Variants in CDKAL1 observed in about 807,000 individuals in gnomAD.
The protein encoded by CDKAL1 is threonylcarbamoyladenosine tRNA methylthiotransferase.
CDKAL1 carries 32 observed loss-of-function variants against 68.2 expected under a neutral mutation model. The ratio of observed to expected loss-of-function variants is 0.47; its 90% CI spans 0.35 to 0.63. CDKAL1 has a LOEUF of 0.63. Ranked by LOEUF, CDKAL1 falls within the 30% of genes least tolerant of loss-of-function variation. CDKAL1 has a pLI of 0.00. For synonymous variants in CDKAL1, 234 were observed against 244.3 expected, an observed-to-expected ratio of 0.96 and a Z score of 0.39; for missense variants, 606 against 696.7, an observed-to-expected ratio of 0.87 and a Z score of 1.47.
At chr6:20,616,767 G>T in intron 4 of CDKAL1, among the ~76,000 whole-genome samples, 1 of 150,882 alleles carries the variant, frequency 6.6e-6, no homozygotes, top group Non-Finnish European at 1.5e-5. Context: ...ACTTTGGGAG[G>T]CTGAGGTGGG....
At chr6:20,744,145 A>G (rs1339182869) in intron 6 of CDKAL1, among the ~76,000 whole-genome samples, 3 of 152,112 alleles carry the variant, frequency 2.0e-5, no homozygotes, top group Non-Finnish European at 1.5e-5. Flanking sequence ...CTATTTGTTT[A>G]TGTCATTTAT....
chr6:20,900,248 G>A lies in CDKAL1; in HGVS notation c.742+54070G>A, dbSNP rs555274967. 1.1e-4 allele frequency among the ~76,000 whole-genome samples: 17 copies of A among 152,220 alleles called. No individual in the cohort carries two copies. The South Asian group carries it at 3.5e-3, about 32-fold the overall frequency. ...CTCAATCCTTATTAAAAAAAAGGGG[G>A]CAAAAAACATAAAATTATTCTAAAG... On this transcript the variant is annotated intron_variant, in intron 9 of 15. Transcript: ENST00000274695.
chr6:21,157,168 G>C (rs541323209), intron 13 of CDKAL1, among the ~76,000 whole-genome samples: 1 of 152,228 alleles, frequency 6.6e-6, no homozygotes, highest in Non-Finnish European at 1.5e-5. Flanking sequence ...TTGCTCCAGT[G>C]CTCCTAGCCA....
intron 4 of CDKAL1, among the ~76,000 whole-genome samples, chr6:20,592,180 A>T (rs544498426): frequency 2.6e-5 from 4 of 152,114 alleles, no homozygotes; most frequent in Non-Finnish European, 1.5e-5. Flanking sequence ...TTTGTCTGTT[A>T]TTGGTGTATA....
intron 9 of CDKAL1, among the ~76,000 whole-genome samples, chr6:20,914,825 T>G (rs769696995): frequency 6.6e-6 from 1 of 152,154 alleles, no homozygotes; most frequent in Non-Finnish European, 1.5e-5. Context: ...TGTAGATTTT[T>G]TCATAGCTCT....
At chr6:21,020,300 C>T (rs938262673) in intron 11 of CDKAL1, among the ~76,000 whole-genome samples, 140 of 152,166 alleles carry the variant, frequency 9.2e-4, no homozygotes, top group African/African-American at 3.3e-3. Flanking sequence ...ACCTGGCTGC[C>T]ATAAAAGGCT....
chr6:21,044,405 T>C (rs1410106031), intron 11 of CDKAL1, among the ~76,000 whole-genome samples: 1 of 152,218 alleles, frequency 6.6e-6, no homozygotes, highest in East Asian at 1.9e-4. Context: ...TTCATTCTAA[T>C]AGACTTTACC....
intron 13 of CDKAL1, among the ~76,000 whole-genome samples, chr6:21,118,277 C>T (rs1186615983): frequency 2.0e-5 from 3 of 152,114 alleles, no homozygotes; most frequent in African/African-American, 4.8e-5. Context: ...GTGAGGAGGC[C>T]GTTACTGCTT....
chr6:20,773,748 G>A (rs918669802), intron 7 of CDKAL1, among the ~76,000 whole-genome samples: 18 of 151,964 alleles, frequency 1.2e-4, no homozygotes, highest in Non-Finnish European at 8.8e-5. Flanking sequence ...GGGTTTCACC[G>A]TGTTAGCCAG....
At chr6:20,827,149 A>G (rs1478761368) in intron 8 of CDKAL1, among the ~76,000 whole-genome samples, 2 of 152,154 alleles carry the variant, frequency 1.3e-5, no homozygotes, top group Admixed American at 6.6e-5. Context: ...GGTATGTGTA[A>G]TGGTTAAGAG....
At chr6:20,611,257 G>A (rs1233459779) in intron 4 of CDKAL1, among the ~76,000 whole-genome samples, 1 of 152,044 alleles carries the variant, frequency 6.6e-6, no homozygotes. Flanking sequence ...TCTTAGCCCT[G>A]GAAAGGTTTT....
intron 5 of CDKAL1, among the ~76,000 whole-genome samples, chr6:20,730,737 C>G (rs183396033): frequency 1.3e-5 from 2 of 149,366 alleles, no homozygotes; most frequent in African/African-American, 4.9e-5. Flanking sequence ...CCCAGCTACT[C>G]GGGAGGCTGA....
chr6:21,143,954 G>T (rs1776043484), intron 13 of CDKAL1, among the ~76,000 whole-genome samples: 1 of 151,790 alleles, frequency 6.6e-6, no homozygotes, highest in Non-Finnish European at 1.5e-5. Flanking sequence ...TAAAGTGGGA[G>T]TAGCCCCTCA....
chr6:20,894,693 A>G (rs964610900), intron 9 of CDKAL1, among the ~76,000 whole-genome samples: 2 of 152,036 alleles, frequency 1.3e-5, no homozygotes, highest in African/African-American at 4.8e-5. Flanking sequence ...ACACTTCTAA[A>G]CTTTAGTTTT....
chr6:20,684,061 A>G (rs1770505957), intron 5 of CDKAL1, among the ~76,000 whole-genome samples: 1 of 152,220 alleles, frequency 6.6e-6, no homozygotes, highest in Non-Finnish European at 1.5e-5. Context: ...GTGCTGAATA[A>G]TATTTCATTG....
chr6:20,741,373 AG>A (rs1292258785), intron 6 of CDKAL1, among the ~76,000 whole-genome samples: 2 of 152,058 alleles, frequency 1.3e-5, no homozygotes, highest in Admixed American at 6.6e-5. Context: ...TTTGTTATAC[AG>A]GTTAAACACG....
At chr6:21,026,417 C>T (rs1768965570) in intron 11 of CDKAL1, among the ~76,000 whole-genome samples, 1 of 152,102 alleles carries the variant, frequency 6.6e-6, no homozygotes, top group South Asian at 2.1e-4. Context: ...CGGATTTTAT[C>T]TCTTTAGCTT....
intron 2 of CDKAL1, among the ~76,000 whole-genome samples, chr6:20,541,920 A>G (rs545068546): frequency 6.6e-6 from 1 of 152,344 alleles, no homozygotes; most frequent in East Asian, 1.9e-4. Flanking sequence ...TTGGCCTCCC[A>G]AAGTGTTGGG....
chr6:20,999,730 T>G (rs1767331168), intron 10 of CDKAL1, among the ~76,000 whole-genome samples: 1 of 151,670 alleles, frequency 6.6e-6, no homozygotes, highest in African/African-American at 2.4e-5. Flanking sequence ...CTGATTTTTT[T>G]TGTACAAATA....
Sources: gnomAD v4.1 joint callset for allele counts (sites outside exome capture counted in the v4.1 genomes callset) on GRCh38, gnomAD v4.1.1 for gene constraint, MANE v1.5 for transcripts, NCBI Gene and HGNC (gene_info 2026-07-23, HGNC 2026-07-21) for gene names.